FHIT: variants seen among roughly 807,000 people sequenced by gnomAD.
FHIT encodes the protein fragile histidine triad diadenosine triphosphatase, also known as bis(5'-adenosyl)-triphosphatase.
A neutral mutation model predicts 17.9 loss-of-function variants in FHIT; 19 were observed. The observed-to-expected ratio is 1.06, with a 90% CI of 0.74 to 1.56. The LOEUF (loss-of-function observed/expected upper bound fraction) is 1.56. Among genes scored for constraint, FHIT ranks in the 40% most tolerant of loss-of-function variants. The pLI, the probability that FHIT is intolerant of heterozygous loss-of-function variation, is 0.00. For missense variants in FHIT, 248 were observed against 189.2 expected (o/e 1.31, Z -1.82); for synonymous variants, 81 against 69.7 (o/e 1.16, Z -0.81).
rs73112317 is a variant in FHIT at position 61,113,585 on chromosome 3, C to T, written c.-163-71486G>A. Among the ~76,000 whole-genome samples, 1,060 of 152,254 alleles carry T rather than the reference C, an allele frequency of 7.0e-3. 8 individuals are homozygous for T. The highest frequency in any genetic ancestry group is 0.011 in the Non-Finnish European group (749 of 68,022). On this transcript the variant is annotated intron_variant, in intron 2 of 9. Transcript: ENST00000492590. Reference sequence around the variant, plus strand: ...TTAGGTTACCTTAGAAAGCCCCCCACACCTGGGTTATTTCCTAGTTCTATG... The same window carrying T: ...TTAGGTTACCTTAGAAAGCCCCCCATACCTGGGTTATTTCCTAGTTCTATG...
chr3:60,986,368 T>C (rs1710720468), intron 3 of FHIT, among the ~76,000 whole-genome samples: 1 of 152,204 alleles, frequency 6.6e-6, no homozygotes, highest in Admixed American at 6.5e-5. Flanking sequence ...TTGGCCTTTT[T>C]AAAAATTGCT....
At chr3:60,155,783 G>T (rs1403854804) in intron 5 of FHIT, among the ~76,000 whole-genome samples, 2 of 152,118 alleles carry the variant, frequency 1.3e-5, no homozygotes, top group African/African-American at 4.8e-5. Flanking sequence ...GAGAATCGCA[G>T]AAGTGAAAAG....
chr3:60,010,484 C>A (rs1020587571), intron 7 of FHIT, among the ~76,000 whole-genome samples: 2 of 152,172 alleles, frequency 1.3e-5, no homozygotes, highest in African/African-American at 4.8e-5. Context: ...AGGGAACTTA[C>A]GTTTATTTGG....
chr3:60,008,885 C>A (rs573761969), intron 7 of FHIT, among the ~76,000 whole-genome samples: 3 of 152,216 alleles, frequency 2.0e-5, no homozygotes, highest in Non-Finnish European at 4.4e-5. Flanking sequence ...CATTGCCACT[C>A]AATATTTTAT....
chr3:60,764,555 G>C (rs1256363524), intron 4 of FHIT, among the ~76,000 whole-genome samples: 1 of 152,038 alleles, frequency 6.6e-6, no homozygotes, highest in Non-Finnish European at 1.5e-5. Context: ...GAAAAAATAC[G>C]AAGAAAAGTT....
chr3:60,585,383 C>T (rs1306739951), intron 4 of FHIT, among the ~76,000 whole-genome samples: 2 of 152,022 alleles, frequency 1.3e-5, no homozygotes, highest in East Asian at 1.9e-4. Context: ...TTTACTGAAA[C>T]TCTTTACATT....
At chr3:60,071,191 C>T (rs1011349828) in intron 5 of FHIT, among the ~76,000 whole-genome samples, 3 of 152,220 alleles carry the variant, frequency 2.0e-5, no homozygotes, top group African/African-American at 7.2e-5. Flanking sequence ...CTAGCCCAAA[C>T]TGAGATGTAC....
At chr3:61,036,917 TGTTTG>T (rs763455204) in intron 3 of FHIT, among the ~76,000 whole-genome samples, 1 of 129,808 alleles carries the variant, frequency 7.7e-6, no homozygotes, top group South Asian at 2.7e-4. Context: ...TTTTTTTGTT[TGTTTG>T]TTTTTTTGAG....
chr3:59,953,771 T>C (rs1373639499), intron 7 of FHIT, among the ~76,000 whole-genome samples: 1 of 152,182 alleles, frequency 6.6e-6, no homozygotes, highest in Non-Finnish European at 1.5e-5. Context: ...CTCTGAATCA[T>C]TCTGGGTCAA....
intron 4 of FHIT, among the ~76,000 whole-genome samples, chr3:60,766,037 A>G (rs555931231): frequency 6.6e-6 from 1 of 152,220 alleles, no homozygotes; most frequent in East Asian, 1.9e-4. Context: ...AGACTGAGCC[A>G]CTACCAGCTT....
chr3:59,990,117 A>G (rs1251296253), intron 7 of FHIT, among the ~76,000 whole-genome samples: 1 of 152,092 alleles, frequency 6.6e-6, no homozygotes, highest in African/African-American at 2.4e-5. Flanking sequence ...ATAAATATAA[A>G]TTTAACCATG....
chr3:61,052,464 T>G (rs1279098464), intron 2 of FHIT, among the ~76,000 whole-genome samples: 1 of 152,190 alleles, frequency 6.6e-6, no homozygotes, highest in African/African-American at 2.4e-5. Flanking sequence ...AATACACAAG[T>G]GTTACATGAA....
chr3:60,818,495 A>G (rs1701812542), intron 4 of FHIT, among the ~76,000 whole-genome samples: 1 of 152,198 alleles, frequency 6.6e-6, no homozygotes, highest in Non-Finnish European at 1.5e-5. Flanking sequence ...TGTCTGCTCC[A>G]TCAAGAATAT....
intron 5 of FHIT, among the ~76,000 whole-genome samples, chr3:60,041,664 A>AAGCTGT (rs1359809930): frequency 6.6e-6 from 1 of 152,194 alleles, no homozygotes; most frequent in Non-Finnish European, 1.5e-5. Flanking sequence ...AATGTTCACA[A>AAGCTGT]AGCTGTCATG....
chr3:60,392,807 A>C (rs1701284311), intron 5 of FHIT, among the ~76,000 whole-genome samples: 1 of 152,198 alleles, frequency 6.6e-6, no homozygotes, highest in African/African-American at 2.4e-5. Flanking sequence ...GTAAAACCAA[A>C]GGTGGACTGG....
chr3:60,606,680 A>G (rs1345460121), intron 4 of FHIT, among the ~76,000 whole-genome samples: 5 of 152,138 alleles, frequency 3.3e-5, no homozygotes, highest in Non-Finnish European at 7.4e-5. Flanking sequence ...CTGTAATGGA[A>G]AAAGGATGAG....
At chr3:60,402,020 C>T (rs1267261453) in intron 5 of FHIT, among the ~76,000 whole-genome samples, 1 of 152,144 alleles carries the variant, frequency 6.6e-6, no homozygotes, top group East Asian at 1.9e-4. Flanking sequence ...ATGGCCCTAA[C>T]TCCAGACACA....
At chr3:60,762,913 T>C (rs1403973380) in intron 4 of FHIT, among the ~76,000 whole-genome samples, 1 of 152,186 alleles carries the variant, frequency 6.6e-6, no homozygotes, top group Admixed American at 6.5e-5. Flanking sequence ...GACTGAGATC[T>C]CAGCCTTCAT....
chr3:59,960,488 T>A (rs1293137518), intron 7 of FHIT, among the ~76,000 whole-genome samples: 1 of 152,130 alleles, frequency 6.6e-6, no homozygotes, highest in East Asian at 1.9e-4. Flanking sequence ...CTTTTGGGCA[T>A]CCTAGTGGAG....
Sources: gnomAD v4.1 joint callset for allele counts (sites outside exome capture counted in the v4.1 genomes callset) on GRCh38, gnomAD v4.1.1 for gene constraint, MANE v1.5 for transcripts, NCBI Gene and HGNC (gene_info 2026-07-23, HGNC 2026-07-21) for gene names.